Variants in LOXHD1 observed in about 807,000 individuals in gnomAD.
The protein encoded by LOXHD1 is lipoxygenase homology domain-containing protein 1.
LOXHD1 carries 205 observed loss-of-function variants against 248.2 expected under a neutral mutation model. The observed-to-expected ratio is 0.83, with a 90% CI of 0.74 to 0.93. The LOEUF is 0.93. LOXHD1 is among the 40% of genes least tolerant of loss of function. LOXHD1 has a pLI of 0.00. For synonymous variants in LOXHD1, 1,113 were observed against 1,162.8 expected (o/e 0.96, Z 0.87); for missense variants, 2,930 against 2,971.6 (o/e 0.99, Z 0.33).
intron 15 of LOXHD1, among the ~76,000 whole-genome samples, chr18:46,570,489 C>A (rs1211739753): frequency 6.6e-6 from 1 of 152,204 alleles, no homozygotes; most frequent in Non-Finnish European, 1.5e-5. Flanking sequence ...TGCCTAGGGA[C>A]CAGCCCTGGA....
At chr18:46,530,224 G>T (rs1300149995) in intron 28 of LOXHD1, among the ~76,000 whole-genome samples, 1 of 152,144 alleles carries the variant, frequency 6.6e-6, no homozygotes, top group Non-Finnish European at 1.5e-5. Context: ...AAAGGCAGAG[G>T]TGGCCAAAGT....
At chr18:46,610,738 C>T (rs1176562789) in intron 6 of LOXHD1, 38 bp downstream of exon 6, 4 of 1,513,714 alleles carry the variant, frequency 2.6e-6, no homozygotes, top group Middle Eastern at 3.9e-4. Flanking sequence ...GCCCCCCTTC[C>T]AAGGCCACAG....
intron 6 of LOXHD1, among the ~76,000 whole-genome samples, chr18:46,610,472 C>T (rs542159939): frequency 2.7e-5 from 4 of 150,362 alleles, no homozygotes; most frequent in Admixed American, 6.6e-5. Context: ...ATGGGTGCAG[C>T]AAACCAACAT....
chr18:46,525,067 C>T, intron 29 of LOXHD1, 150 bp from the exon 30 acceptor site: 1 of 856,858 alleles, frequency 1.2e-6, no homozygotes, highest in South Asian at 1.7e-5. Context: ...AAATCCCCAA[C>T]ACCGAGCCTG....
chr18:46,650,922 C>T (rs771221775), intron 1 of LOXHD1, among the ~76,000 whole-genome samples: 1 of 152,124 alleles, frequency 6.6e-6, no homozygotes, highest in Non-Finnish European at 1.5e-5. Context: ...CTCTGTAACA[C>T]CTGAACGATC....
chr18:46,628,249 T>A (rs1395213886), intron 4 of LOXHD1, among the ~76,000 whole-genome samples: 2 of 151,892 alleles, frequency 1.3e-5, no homozygotes, highest in Non-Finnish European at 2.9e-5. Flanking sequence ...TCACTTAGAG[T>A]GGTTCTCTTC....
chr18:46,553,750 A>G (rs574527698), intron 21 of LOXHD1, among the ~76,000 whole-genome samples: 1 of 152,346 alleles, frequency 6.6e-6, no homozygotes, highest in Admixed American at 6.5e-5. Context: ...ATAAGCTGAT[A>G]TAGAGAAAAA....
At chr18:46,652,894 A>G (rs1226845892) in intron 1 of LOXHD1, among the ~76,000 whole-genome samples, 1 of 152,258 alleles carries the variant, frequency 6.6e-6, no homozygotes, top group Non-Finnish European at 1.5e-5. Context: ...TGGATAAATC[A>G]GATATAACGC....
At chr18:46,511,317 C>T (rs1006943839) in intron 34 of LOXHD1, among the ~76,000 whole-genome samples, 2 of 152,192 alleles carry the variant, frequency 1.3e-5, no homozygotes, top group Admixed American at 1.3e-4. Flanking sequence ...CTCCAGACAC[C>T]TCAGTTGAGG....
chr18:46,513,381 T>G (rs1417412885), intron 34 of LOXHD1, among the ~76,000 whole-genome samples: 1 of 152,102 alleles, frequency 6.6e-6, no homozygotes, highest in Admixed American at 6.5e-5. Context: ...AACTGTATGG[T>G]AAAAAGAAAA....
intron 38 of LOXHD1, among the ~76,000 whole-genome samples, chr18:46,486,335 C>T (rs2033049925): frequency 6.6e-6 from 1 of 152,134 alleles, no homozygotes; most frequent in Non-Finnish European, 1.5e-5. Flanking sequence ...TGAGAGACGG[C>T]CATACCTGTG....
chr18:46,519,680 G>A (rs1483707630), intron 33 of LOXHD1, among the ~76,000 whole-genome samples: 1 of 152,180 alleles, frequency 6.6e-6, no homozygotes, highest in Non-Finnish European at 1.5e-5. Flanking sequence ...CAAAATGAGT[G>A]CTTCAGCTGC....
chr18:46,599,137 A>C (rs1316384659), intron 8 of LOXHD1, among the ~76,000 whole-genome samples: 1 of 152,182 alleles, frequency 6.6e-6, no homozygotes, highest in Non-Finnish European at 1.5e-5. Flanking sequence ...AAAGCCATGC[A>C]TTTTGTGAAT....
rs1018202440 is a variant in LOXHD1 at position 46,563,182 on chromosome 18, G to A, written c.2481C>T (p.Gly827=). The change falls in exon 18 of 41, where the codon GGC becomes GGT. Residue 827 remains glycine (G), a synonymous_variant. Transcript: ENST00000642948. ...EVEIWTGDVG[G]AGTSARVYMQ... ...TGTAGACTCGGGCACTGGTGCCTGCGCCACCCACATCTCCTGTCCAAATCT... is the reference window on the plus strand; with the variant it reads ...TGTAGACTCGGGCACTGGTGCCTGCACCACCCACATCTCCTGTCCAAATCT... The A allele has an allele frequency of 5.2e-6, 8 of 1,525,188 alleles. No homozygotes were observed. The highest frequency in any genetic ancestry group is 2.8e-5 in the African/African-American group (2 of 72,652). The allele number at this position is 1,525,188 out of a possible 1,614,324, so 94.5% of individuals were successfully genotyped here. A position where few individuals can be genotyped will look rare whatever the true frequency, so the allele number is the denominator to read the frequency against.
chr18:46,522,760 T>C (rs530483677), intron 31 of LOXHD1, among the ~76,000 whole-genome samples: 1 of 152,292 alleles, frequency 6.6e-6, no homozygotes, highest in Admixed American at 6.5e-5. Flanking sequence ...GTATCATATA[T>C]GCCACATAGT....
chr18:46,568,203 C>T (rs1033922858), intron 16 of LOXHD1, among the ~76,000 whole-genome samples: 1 of 152,098 alleles, frequency 6.6e-6, no homozygotes, highest in African/African-American at 2.4e-5. Context: ...GATGAGGTTC[C>T]AGGTAGAGGG....
chr18:46,516,117 A>G (rs2035236234), intron 34 of LOXHD1, among the ~76,000 whole-genome samples: 1 of 152,138 alleles, frequency 6.6e-6, no homozygotes, highest in African/African-American at 2.4e-5. Context: ...TTCTGTTCTC[A>G]TTTGGTCCTC....
In LOXHD1 at chr18:46,478,095, A is replaced by G. The variant is rs755239276; in HGVS notation, c.6342-143T>C. 3.4e-4 allele frequency: 376 copies of G among 1,101,826 alleles called. 1 individual carries two copies. Among genetic ancestry groups the G allele is most frequent in the Non-Finnish European group, 3.7e-4 (289 of 788,782 alleles). 68.3% of individuals were successfully genotyped at this position (1,101,826 alleles called of 1,614,324 possible). On this transcript the variant is annotated intron_variant, in intron 40 of 40. Transcript: ENST00000642948. The stretch of plus-strand genomic sequence containing the variant: ...ATTGGAGCTGGAAATGTTGGTTTAA[A>G]TGTGCGTATGGATTCTTGTTTAACT...
intron 37 of LOXHD1, among the ~76,000 whole-genome samples, chr18:46,496,136 A>G (rs1295426993): frequency 6.6e-6 from 1 of 152,258 alleles, no homozygotes; most frequent in Non-Finnish European, 1.5e-5. Flanking sequence ...TTTAAAAGGT[A>G]TGAACAATAC....
Sources: gnomAD v4.1 joint callset for allele counts (sites outside exome capture counted in the v4.1 genomes callset) on GRCh38, gnomAD v4.1.1 for gene constraint, MANE v1.5 for transcripts, NCBI Gene and HGNC (gene_info 2026-07-23, HGNC 2026-07-21) for gene names.